The following MROH7 variants were observed in gnomAD, a reference collection of about 807,000 sequenced individuals.
MROH7 encodes the protein maestro heat-like repeat-containing protein family member 7.
In MROH7, 113 loss-of-function variants were observed where a neutral mutation model predicts 129.2. That is an observed-to-expected ratio of 0.87 (90% CI 0.75 to 1.02). The LOEUF (loss-of-function observed/expected upper bound fraction) is 1.02, where lower values mean the gene tolerates loss of function less well. MROH7 is among the 50% of genes least tolerant of loss of function. The pLI, the probability that MROH7 is intolerant of heterozygous loss-of-function variation, is 0.00. For missense variants in MROH7, 1,601 were observed against 1,671.3 expected (o/e 0.96, Z 0.73); for synonymous variants, 655 against 667.9 (o/e 0.98, Z 0.30).
chr1:54,645,651 C>CTTTTTTTTTTTTTTTTTTTT (rs780480424), intron 1 of MROH7, among the ~76,000 whole-genome samples: 4 of 110,218 alleles, frequency 3.6e-5, no homozygotes, highest in Non-Finnish European at 3.6e-5. Flanking sequence ...TTCTTTCTTT[C>CTTTTTTTTTTTTTTTTTTTT]TTTCTTTTTT....
chr1:54,645,953 A>G (rs540887068), intron 1 of MROH7, among the ~76,000 whole-genome samples: 7 of 152,300 alleles, frequency 4.6e-5, no homozygotes, highest in Non-Finnish European at 1.0e-4. Context: ...CGTGCAGCCA[A>G]AAGTTATTTT....
intron 16 of MROH7, 104 bp downstream of exon 16, chr1:54,692,665 T>C: frequency 8.2e-7 from 1 of 1,213,188 alleles, no homozygotes; most frequent in Non-Finnish European, 1.1e-6. Flanking sequence ...GCAAGACCCT[T>C]TGCTCAGTCT....
intron 3 of MROH7, chr1:54,663,805 G>T (rs750375448): frequency 2.2e-6 from 1 of 453,428 alleles, no homozygotes; most frequent in Non-Finnish European, 4.4e-6. Context: ...TCCTGGAATC[G>T]ACCTTTTCTC....
rs767795784 is a variant in MROH7, at chr1:54,700,399, G to C, written c.3043G>C (p.Asp1015His). The change falls in exon 18 of 24, where the codon GAC (aspartate) becomes CAC (histidine). Residue 1015 changes from aspartate to histidine, a missense_variant. Physicochemically the swap from Asp to His is moderately conservative, Grantham distance 81. Transcript: ENST00000421030. ...GATGGCAGAAGGCCTGAGCCACCAC[G>C]ACCCCATCATGAAGGTGCTGTCCAT... ...GRMAEGLSHH[D>H]PIMKVLSIRG... 3.7e-6 allele frequency: 6 copies of C among 1,613,702 alleles called. No homozygotes were observed. In the East Asian group the frequency reaches 1.3e-4, roughly 36 times the overall value.
intron 15 of MROH7, among the ~76,000 whole-genome samples, chr1:54,687,897 C>A (rs1645174194): frequency 7.2e-6 from 1 of 138,894 alleles, no homozygotes. Context: ...GAGACAGGGT[C>A]TCACTCTTTT....
intron 13 of MROH7, among the ~76,000 whole-genome samples, chr1:54,681,446 TC>T (rs1645067784): frequency 6.6e-6 from 1 of 152,200 alleles, no homozygotes; most frequent in Non-Finnish European, 1.5e-5. Context: ...TGCTATAGTG[TC>T]CCCATCAGTT....
chr1:54,645,946 G>A (rs964579622), intron 1 of MROH7, among the ~76,000 whole-genome samples: 1 of 152,140 alleles, frequency 6.6e-6, no homozygotes, highest in South Asian at 2.1e-4. Context: ...GCCACCGCGT[G>A]CAGCCAAAAG....
At position 54,702,677 on chromosome 1, in the gene MROH7, A is replaced by G. The variant is rs1645459754; in HGVS notation, c.3496A>G (p.Lys1166Glu). 6.2e-7 allele frequency: 1 copy of G among 1,613,940 alleles called. No homozygotes were observed. The change falls in exon 21 of 24, where the codon AAA becomes GAA. Residue 1166 changes from lysine to glutamate, a missense_variant. Transcript: ENST00000421030. ...TTACTTCATGGCTTGGGAGTTGCCA[A>G]AAAGAGCTTATAGCCGGAAGCCCTG... ...CSYFMAWELP[K>E]RAYSRKPWDN...
Position 54,679,358 on chromosome 1 carries a change from C to T in MROH7, c.2145C>T (p.Asp715=). 3 of 1,614,146 alleles carry T rather than the reference C, an allele frequency of 1.9e-6. No individual in the cohort carries two copies. Among genetic ancestry groups the T allele is most frequent in the Non-Finnish European group, 2.5e-6 (3 of 1,180,044 alleles). ...LKGSSEAPGK[D]SREMMQLASE... is the part of the protein sequence containing the mutation. ...GCAGCTCAGAGGCTCCAGGGAAGGA[C>T]TCCAGGGAGATGATGCAGCTGGCCT... is the stretch of plus-strand genomic sequence containing the variant. Residue 715 remains aspartate (D), a synonymous_variant, in exon 12 of 24, where the codon GAC becomes GAT. Coordinates refer to ENST00000421030, the MANE Select transcript of MROH7 (RefSeq NM_001039464.4).
At chr1:54,670,670 C>CCCCCCCCCCCCA in intron 6 of MROH7, 94 bp downstream of exon 6, 1 of 1,240,894 alleles carries the variant, frequency 8.1e-7, no homozygotes, top group African/African-American at 1.5e-5. Flanking sequence ...TCCCCCAACC[C>CCCCCCCCCCCCA]GCCCCCACCC....
intron 3 of MROH7, chr1:54,659,072 T>C (rs1485289077): frequency 4.1e-5 from 18 of 434,866 alleles, no homozygotes; most frequent in Admixed American, 3.8e-4. Flanking sequence ...GTATTTACTG[T>C]GTGTGGTTTT....
At chr1:54,680,131 A>T (rs1645046241) in intron 13 of MROH7, 86 bp downstream of exon 13, 3 of 1,328,818 alleles carry the variant, frequency 2.3e-6, no homozygotes, top group Non-Finnish European at 3.2e-6. Context: ...TTCTGCCCAG[A>T]TAAGCCCCTC....
Position 54,692,518 on chromosome 1 carries a change from GA to G in MROH7, c.2807del (p.Glu936GlyfsTer76), listed in dbSNP as rs1360676811. The G allele has an allele frequency of 1.2e-6, 2 of 1,613,802 alleles. No homozygotes were observed. Among genetic ancestry groups the G allele is most frequent in the Non-Finnish European group, 1.7e-6 (2 of 1,180,004 alleles). ...LEDQGGWELM[E>X]QVESHHRGVA... is the part of the protein sequence containing the mutation. The stretch of plus-strand genomic sequence containing the variant: ...GGACCAGGGTGGCTGGGAGCTCATG[GA>G]GCAGGTGGAGAGCCACCACCGCGGA... On this transcript the variant is annotated frameshift_variant, in exon 16 of 24. Transcript: ENST00000421030. LOFTEE classifies it high-confidence loss of function.
intron 3 of MROH7, among the ~76,000 whole-genome samples, chr1:54,654,765 C>T (rs912054546): frequency 2.2e-4 from 34 of 152,232 alleles, no homozygotes; most frequent in African/African-American, 8.2e-4. Context: ...TCAAAATGTA[C>T]ATCTTTTTCT....
intron 3 of MROH7, among the ~76,000 whole-genome samples, chr1:54,657,191 G>A (rs1644663167): frequency 6.6e-6 from 1 of 151,660 alleles, no homozygotes; most frequent in African/African-American, 2.4e-5. Context: ...GGGATTACAA[G>A]CACGTGCCAC....
In MROH7 at chr1:54,653,701, G is replaced by A; in HGVS notation, c.775G>A (p.Val259Ile). The A allele has an allele frequency of 6.2e-7, 1 of 1,614,190 alleles. No homozygotes were observed. The highest frequency in any genetic ancestry group is 8.5e-7 in the Non-Finnish European group (1 of 1,180,030). Residue 259 changes from valine to isoleucine, a missense_variant, in exon 3 of 24, where the codon GTT becomes ATT. Coordinates refer to ENST00000421030, the MANE Select transcript of MROH7 (RefSeq NM_001039464.4). ...GGCTTCACATAATATCTCTGAGTCT[G>A]TTTCAAAAGGAGCCTTTAGTACCAC... ...TLASHNISES[V>I]SKGAFSTTWS...
At chr1:54,679,853 C>T in intron 12 of MROH7, 38 bp from the exon 13 acceptor site, 1 of 1,586,434 alleles carries the variant, frequency 6.3e-7, no homozygotes, top group Non-Finnish European at 8.6e-7. Flanking sequence ...CTTCCCTTGG[C>T]AGTCCCCTTG....
chr1:54,692,545 G>A lies in MROH7; in HGVS notation c.2833G>A (p.Val945Met). 6.2e-7 allele frequency: 1 copy of A among 1,613,576 alleles called. No homozygotes were observed. Among genetic ancestry groups the A allele is most frequent in the South Asian group, 1.1e-5 (1 of 91,068 alleles). ...MEQVESHHRG[V>M]ALLARAMVQY... ...GCAGGTGGAGAGCCACCACCGCGGA[G>A]TGGCCTTGCTGGCAAGGTGAGTCCC... The change falls in exon 16 of 24, where the codon GTG (valine) becomes ATG (methionine). Residue 945 changes from valine (V) to methionine (M), a missense_variant. Val to Met is a conservative substitution (Grantham distance 21, BLOSUM62 1). Coordinates refer to ENST00000421030, the MANE Select transcript of MROH7 (RefSeq NM_001039464.4).
Position 54,668,927 on chromosome 1 carries a change from A to G in MROH7, c.1379A>G (p.Lys460Arg). 1 of 1,606,862 alleles carries G rather than the reference A, an allele frequency of 6.2e-7. No homozygotes were observed. Among genetic ancestry groups the G allele is most frequent in the Non-Finnish European group, 8.5e-7 (1 of 1,174,126 alleles). ...EAEGEKKTMI[K>R]KIMRQIQEEP... ...GAAGGAGAAAAGAAGACCATGATAA[A>G]GAAGATTATGGTGGGGGAGCCACAG... Residue 460 changes from lysine (K) to arginine (R), a missense_variant, in exon 5 of 24, where the codon AAG (lysine) becomes AGG (arginine). By Grantham distance (26) the Lys-to-Arg change is conservative (BLOSUM62 2). Transcript: ENST00000421030.
Sources: allele counts gnomAD v4.1 joint callset (sites outside exome capture counted in the v4.1 genomes callset), GRCh38; gene constraint gnomAD v4.1.1; transcripts MANE v1.5; gene names NCBI Gene and HGNC (gene_info 2026-07-23, HGNC 2026-07-21).